Variants in CNIH3 observed in about 807,000 individuals in gnomAD.
The protein encoded by CNIH3 is protein cornichon homolog 3.
In CNIH3, 14 loss-of-function variants were observed where a neutral mutation model predicts 24.1. The ratio of observed to expected loss-of-function variants is 0.58; its 90% CI spans 0.38 to 0.91. The LOEUF (loss-of-function observed/expected upper bound fraction) is 0.91, where lower values mean the gene tolerates loss of function less well. Ranked by LOEUF, CNIH3 falls within the 40% of genes least tolerant of loss-of-function variation. The pLI, the probability that CNIH3 is intolerant of heterozygous loss-of-function variation, is 0.00. For missense variants in CNIH3, 178 were observed against 196.8 expected (o/e 0.90, Z 0.57); for synonymous variants, 68 against 73.8 (o/e 0.92, Z 0.40).
At chr1:224,652,585 G>A (rs933511407) in intron 1 of CNIH3, among the ~76,000 whole-genome samples, 12 of 152,110 alleles carry the variant, frequency 7.9e-5, no homozygotes, top group African/African-American at 2.4e-4. Context: ...TAAGTGGAGC[G>A]TCGGGCCCCT....
intron 1 of CNIH3, among the ~76,000 whole-genome samples, chr1:224,454,044 T>C (rs1675541394): frequency 6.6e-6 from 1 of 152,198 alleles, no homozygotes; most frequent in South Asian, 2.1e-4. Context: ...GCACAGCTAC[T>C]GGGGAAATTA....
At chr1:224,677,727 C>T (rs1324550111) in intron 1 of CNIH3, among the ~76,000 whole-genome samples, 2 of 152,194 alleles carry the variant, frequency 1.3e-5, no homozygotes, top group East Asian at 3.9e-4. Context: ...TTGCTCTATT[C>T]AGTCTAGACC....
chr1:224,675,841 C>T (rs1686112303), intron 1 of CNIH3, among the ~76,000 whole-genome samples: 1 of 152,184 alleles, frequency 6.6e-6, no homozygotes, highest in Non-Finnish European at 1.5e-5. Context: ...ACTAAACTGA[C>T]AGGACTTAGT....
intron 1 of CNIH3, among the ~76,000 whole-genome samples, chr1:224,450,008 A>T (rs575438739): frequency 6.6e-6 from 1 of 151,746 alleles, no homozygotes; most frequent in Non-Finnish European, 1.5e-5. Context: ...ATACACGCAC[A>T]CACACACACA....
intron 4 of CNIH3, among the ~76,000 whole-genome samples, chr1:224,573,707 T>C (rs1203989736): frequency 6.6e-6 from 1 of 152,142 alleles, no homozygotes. Context: ...CTTGGGGAGC[T>C]TTTTTCCATG....
chr1:224,534,154 G>A (rs1260166877), intron 2 of CNIH3, among the ~76,000 whole-genome samples: 2 of 152,172 alleles, frequency 1.3e-5, no homozygotes, highest in Non-Finnish European at 2.9e-5. Context: ...GACAGAGCGA[G>A]ACCATGTCTC....
intron 1 of CNIH3, among the ~76,000 whole-genome samples, chr1:224,438,266 C>G (rs934030757): frequency 6.0e-5 from 9 of 151,246 alleles, no homozygotes; most frequent in Admixed American, 5.9e-4. Context: ...TTATGTTGCC[C>G]AGGCTGGTCT....
At position 224,458,320 on chromosome 1, in the gene CNIH3, T is replaced by C. The variant is rs1436122459; in HGVS notation, n.203+23458T>C. 6.6e-6 allele frequency among the ~76,000 whole-genome samples: 1 copy of C among 152,148 alleles called. No individual in the cohort carries two copies. Among genetic ancestry groups the C allele is most frequent in the African/African-American group, 2.4e-5 (1 of 41,432 alleles). On this transcript the variant is annotated intron_variant and non_coding_transcript_variant, in intron 1 of 5. Coordinates refer to the CNIH3 transcript ENST00000471578. This position sits in a 1 kb window ranked among gnomAD's most constrained non-coding sequence, Gnocchi z 4.3. ...GGCAGCAGTGCTCTGTCAGTATTGA[T>C]TCTTCAGGGGCAGGCTGCCCACTTA...
Position 224,690,007 on chromosome 1 carries a change from G to C in CNIH3, c.198+5164G>C, listed in dbSNP as rs60945801. On this transcript the variant is annotated intron_variant, in intron 3 of 5. Transcript: ENST00000272133. The stretch of plus-strand genomic sequence containing the variant: ...GACTGCCGCTTTTGGGCATATAAAG[G>C]GTTCTCGTGGGGAGGAGGCTGACTC... Among the ~76,000 whole-genome samples, 243 of 152,192 alleles carry C rather than the reference G, an allele frequency of 1.6e-3. 1 individual carries two copies. The highest frequency in any genetic ancestry group is 5.1e-3 in the African/African-American group (213 of 41,528).
chr1:224,605,561 G>T (rs1456737250), intron 3 of CNIH3, among the ~76,000 whole-genome samples: 1 of 152,182 alleles, frequency 6.6e-6, no homozygotes, highest in Admixed American at 6.5e-5. Flanking sequence ...CATTATTCCA[G>T]AGGTCATAAG....
At chr1:224,481,012 A>G (rs369758744) in intron 1 of CNIH3, among the ~76,000 whole-genome samples, 1 of 152,366 alleles carries the variant, frequency 6.6e-6, no homozygotes, top group East Asian at 1.9e-4. Flanking sequence ...GGCAATTTAC[A>G]AAAGAAAGAG....
At chr1:224,486,455 G>A (rs191699327) in intron 1 of CNIH3, among the ~76,000 whole-genome samples, 1 of 152,156 alleles carries the variant, frequency 6.6e-6, no homozygotes, top group Non-Finnish European at 1.5e-5. Flanking sequence ...ACTGTGTTTT[G>A]TTTATACTCT....
intron 1 of CNIH3, among the ~76,000 whole-genome samples, chr1:224,481,136 T>TG (rs1676795300): frequency 2.0e-5 from 3 of 152,186 alleles, no homozygotes; most frequent in African/African-American, 7.2e-5. Flanking sequence ...AAAGAGCTTG[T>TG]GGGGGAAAAC....
At position 224,653,178 on chromosome 1, in the gene CNIH3, T is replaced by G. The variant is rs548425100; in HGVS notation, c.82-27780T>G. 4.6e-5 allele frequency among the ~76,000 whole-genome samples: 7 copies of G among 152,312 alleles called. No individual in the cohort carries two copies. In the East Asian group the frequency reaches 1.2e-3, roughly 25 times the overall value. On this transcript the variant is annotated intron_variant, in intron 1 of 5. Transcript: ENST00000272133. ...TGGCTCATGCCTGTAATCCCAGCAC[T>G]TTGGGAGGCTGAGGCAGGCGGATCA...
chr1:224,663,233 G>A (rs1685444606), intron 1 of CNIH3, among the ~76,000 whole-genome samples: 1 of 152,118 alleles, frequency 6.6e-6, no homozygotes, highest in African/African-American at 2.4e-5. Context: ...AGGCCATTCG[G>A]GGTGGTATGG....
At chr1:224,601,406 G>C (rs1682203567) in intron 3 of CNIH3, among the ~76,000 whole-genome samples, 1 of 152,192 alleles carries the variant, frequency 6.6e-6, no homozygotes, top group Non-Finnish European at 1.5e-5. Flanking sequence ...TTGCCGCTTA[G>C]TGCACATGCT....
chr1:224,690,630 A>G (rs767877822), intron 3 of CNIH3, among the ~76,000 whole-genome samples: 3 of 152,192 alleles, frequency 2.0e-5, no homozygotes, highest in African/African-American at 7.2e-5. Context: ...TGATTCTCCA[A>G]TTCATGTCCC....
chr1:224,703,900 C>T lies in CNIH3; in HGVS notation c.198+19057C>T, dbSNP rs545542259. Among the ~76,000 whole-genome samples the T allele has an allele frequency of 2.6e-5, 4 of 152,194 alleles. No homozygotes were observed. Among genetic ancestry groups the T allele is most frequent in the Non-Finnish European group, 2.9e-5 (2 of 68,040 alleles). On this transcript the variant is annotated intron_variant, in intron 3 of 5. Coordinates refer to ENST00000272133, the MANE Select transcript of CNIH3 (RefSeq NM_152495.2). The surrounding 1 kb of genome is among the most constrained non-coding windows in gnomAD (Gnocchi z 4.2). ...TATTCTCCCTGCAGCACACCTGAGTCGCTGCTGCTCTGCAGGCCTCCCACC... is the reference window on the plus strand; with the variant it reads ...TATTCTCCCTGCAGCACACCTGAGTTGCTGCTGCTCTGCAGGCCTCCCACC...
intron 1 of CNIH3, chr1:224,664,890 TC>T (rs1489345426): frequency 2.0e-5 from 3 of 152,206 alleles, no homozygotes; most frequent in Non-Finnish European, 2.9e-5. Flanking sequence ...GTGCACCACC[TC>T]CCCTGGCTAT....
Sources: allele counts gnomAD v4.1 joint callset (sites outside exome capture counted in the v4.1 genomes callset), GRCh38; gene constraint gnomAD v4.1.1; non-coding constraint Gnocchi (gnomAD v3.1); transcripts MANE v1.5; gene names NCBI Gene and HGNC (gene_info 2026-07-23, HGNC 2026-07-21).